TACR1: variants seen among roughly 807,000 people sequenced by gnomAD.
TACR1 encodes the protein substance-P receptor.
In TACR1, 25 loss-of-function variants were observed where a neutral mutation model predicts 35.8. That is an observed-to-expected ratio of 0.70 (90% confidence interval 0.51 to 0.98). The LOEUF is 0.98. Among genes scored for constraint, TACR1 ranks in the 50% least tolerant of loss-of-function variants. The pLI is 0.00. For synonymous variants in TACR1, 195 were observed against 206.7 expected (o/e 0.94, Z 0.48); for missense variants, 478 against 522.9 (o/e 0.91, Z 0.84).
intron 1 of TACR1, among the ~76,000 whole-genome samples, chr2:75,123,946 G>A (rs1408215721): frequency 6.6e-6 from 1 of 152,192 alleles, no homozygotes; most frequent in East Asian, 1.9e-4. Context: ...ATATTACGGA[G>A]CAAGTGCTGC....
intron 2 of TACR1, among the ~76,000 whole-genome samples, chr2:75,063,559 T>C (rs1306930052): frequency 6.6e-6 from 1 of 152,218 alleles, no homozygotes; most frequent in Non-Finnish European, 1.5e-5. Context: ...ACTCTATCCT[T>C]TTCCTGATGA....
At chr2:75,189,672 G>A (rs568666004) in intron 1 of TACR1, 1 of 152,326 alleles carries the variant, frequency 6.6e-6, no homozygotes, top group South Asian at 2.1e-4. Flanking sequence ...AATGCTTTAA[G>A]AGAATTTGTG....
intron 2 of TACR1, among the ~76,000 whole-genome samples, chr2:75,116,242 C>A (rs1673855598): frequency 6.6e-6 from 1 of 152,064 alleles, no homozygotes; most frequent in African/African-American, 2.4e-5. Flanking sequence ...GTATCTGGGA[C>A]CACAGGTCAG....
chr2:75,169,762 T>A (rs953972371), intron 1 of TACR1, among the ~76,000 whole-genome samples: 2 of 152,226 alleles, frequency 1.3e-5, no homozygotes, highest in Admixed American at 6.5e-5. Flanking sequence ...TTATGATAGC[T>A]ATTCAACTTA....
At chr2:75,129,418 G>T (rs1332203434) in intron 1 of TACR1, among the ~76,000 whole-genome samples, 1 of 152,098 alleles carries the variant, frequency 6.6e-6, no homozygotes, top group Non-Finnish European at 1.5e-5. Flanking sequence ...AAGTTTTTGT[G>T]AACAACATCA....
chr2:75,179,395 C>G (rs531972084), intron 1 of TACR1, among the ~76,000 whole-genome samples: 2 of 152,188 alleles, frequency 1.3e-5, no homozygotes, highest in African/African-American at 4.8e-5. Flanking sequence ...ACTGGTCTTC[C>G]TGCTTCCACT....
chr2:75,185,151 T>A (rs1413869425), intron 1 of TACR1, among the ~76,000 whole-genome samples: 1 of 151,932 alleles, frequency 6.6e-6, no homozygotes, highest in East Asian at 1.9e-4. Flanking sequence ...TGTAGGGAAA[T>A]GATCAATCAA....
At chr2:75,176,322 T>C (rs1393317131) in intron 1 of TACR1, among the ~76,000 whole-genome samples, 1 of 151,264 alleles carries the variant, frequency 6.6e-6, no homozygotes, top group Non-Finnish European at 1.5e-5. Context: ...GGAGACATTA[T>C]ACATTTTTTT....
intron 1 of TACR1, 121 bp from the exon 2 acceptor site, chr2:75,120,889 C>G: frequency 1.2e-6 from 1 of 817,846 alleles, no homozygotes; most frequent in Non-Finnish European, 1.8e-6. Flanking sequence ...ATGATTTGTA[C>G]AATTATTTTC....
rs1467914284 is a variant in TACR1, at chr2:75,047,653, A to G, written c.*1779T>C. On this transcript the variant is annotated 3_prime_UTR_variant, in exon 5 of 5. Transcript: ENST00000305249. Reference sequence around the variant, plus strand: ...AGGGCACTAACTTTTGTTGCTTCTAAATTTTGTCTTCCATTTATATATCTG... The same window carrying G: ...AGGGCACTAACTTTTGTTGCTTCTAGATTTTGTCTTCCATTTATATATCTG... The G allele has an allele frequency of 6.6e-6, 1 of 152,178 alleles. No individual in the cohort carries two copies. Among genetic ancestry groups the G allele is most frequent in the Non-Finnish European group, 1.5e-5 (1 of 68,046 alleles). 9.4% of individuals were successfully genotyped at this position (152,178 alleles called of 1,614,324 possible). A position where few individuals can be genotyped will look rare whatever the true frequency, so the allele number is the denominator to read the frequency against.
intron 2 of TACR1, among the ~76,000 whole-genome samples, chr2:75,081,832 G>A (rs1673092186): frequency 6.6e-6 from 1 of 151,636 alleles, no homozygotes; most frequent in Admixed American, 6.6e-5. Flanking sequence ...TCTTGTTTCT[G>A]ACTTGCAAAT....
intron 1 of TACR1, among the ~76,000 whole-genome samples, chr2:75,160,722 C>T (rs963926316): frequency 1.6e-5 from 2 of 127,726 alleles, no homozygotes; most frequent in African/African-American, 5.4e-5. Context: ...AATAGGGATT[C>T]CTGGACAGGA....
At chr2:75,135,354 A>G (rs1674258004) in intron 1 of TACR1, among the ~76,000 whole-genome samples, 1 of 152,240 alleles carries the variant, frequency 6.6e-6, no homozygotes, top group Non-Finnish European at 1.5e-5. Context: ...GACTAGACAA[A>G]TTCTGGTGCA....
chr2:75,066,904 T>C (rs917949841), intron 2 of TACR1, among the ~76,000 whole-genome samples: 9 of 152,218 alleles, frequency 5.9e-5, no homozygotes, highest in African/African-American at 2.2e-4. Flanking sequence ...ATGACAGATT[T>C]TTCTACCTCC....
intron 1 of TACR1, among the ~76,000 whole-genome samples, chr2:75,171,664 G>C (rs1422048811): frequency 1.3e-5 from 2 of 152,228 alleles, no homozygotes; most frequent in Admixed American, 1.3e-4. Context: ...GACCATGGGA[G>C]CCCTCCTCTT....
intron 2 of TACR1, among the ~76,000 whole-genome samples, chr2:75,066,631 C>G (rs1672767051): frequency 6.6e-6 from 1 of 152,136 alleles, no homozygotes; most frequent in Admixed American, 6.5e-5. Context: ...TGTCTTGAAC[C>G]CTGAGCCCAG....
At chr2:75,065,729 A>T (rs1334702653) in intron 2 of TACR1, among the ~76,000 whole-genome samples, 1 of 152,200 alleles carries the variant, frequency 6.6e-6, no homozygotes, top group African/African-American at 2.4e-5. Flanking sequence ...GACATTGTTT[A>T]GAAACTGCTT....
chr2:75,111,979 C>T (rs1453871656), intron 2 of TACR1, among the ~76,000 whole-genome samples: 1 of 151,918 alleles, frequency 6.6e-6, no homozygotes, highest in African/African-American at 2.4e-5. Flanking sequence ...CTCAAAGGCT[C>T]CAATATGCTA....
intron 2 of TACR1, among the ~76,000 whole-genome samples, chr2:75,094,859 A>ATATATATTTT: frequency 1.5e-4 from 17 of 113,108 alleles, no homozygotes; most frequent in African/African-American, 8.2e-4. Context: ...ATATATATAT[A>ATATATATTTT]TTTTTTTTTT....
Sources: gnomAD v4.1 joint callset for allele counts (sites outside exome capture counted in the v4.1 genomes callset) on GRCh38, gnomAD v4.1.1 for gene constraint, MANE v1.5 for transcripts, NCBI Gene and HGNC (gene_info 2026-07-23, HGNC 2026-07-21) for gene names.